SAMMSON: variants seen among roughly 807,000 people sequenced by gnomAD.
The protein encoded by SAMMSON is survival associated mitochondrial melanoma specific oncogenic non-coding RNA.
intron 7 of SAMMSON, among the ~76,000 whole-genome samples, chr3:70,345,988 T>A (rs1284796563): frequency 6.6e-6 from 1 of 152,194 alleles, no homozygotes; most frequent in African/African-American, 2.4e-5. Flanking sequence ...ATCAGTTTGA[T>A]AAATACCAAG....
chr3:70,262,339 C>G (rs1701874727), intron 6 of SAMMSON, among the ~76,000 whole-genome samples: 2 of 152,134 alleles, frequency 1.3e-5, no homozygotes, highest in Non-Finnish European at 2.9e-5. Context: ...CATTGCTGAG[C>G]CTCACCATCT....
At chr3:70,375,246 C>T (rs1575636368) in intron 9 of SAMMSON, among the ~76,000 whole-genome samples, 1 of 152,136 alleles carries the variant, frequency 6.6e-6, no homozygotes, top group East Asian at 1.9e-4. Context: ...TGCATTTATG[C>T]TTTGTATAAT....
Position 70,012,303 on chromosome 3 carries a change from A to G in SAMMSON, n.23-54A>G, listed in dbSNP as rs183197120. On this transcript the variant is annotated intron_variant and non_coding_transcript_variant, in intron 1 of 9. Coordinates refer to ENST00000642114, the Ensembl canonical transcript of SAMMSON. ...TTACAAGGGAAAGTGGACTTTGTAG[A>G]TGTGATTAAGAATCTTGAGATGTGA... 1.2e-3 allele frequency: 190 copies of G among 152,090 alleles called. 2 individuals are homozygous for G. Among genetic ancestry groups the G allele is most frequent in the African/African-American group, 4.5e-3 (187 of 41,446 alleles). 9.4% of individuals were successfully genotyped at this position (152,090 alleles called of 1,614,324 possible). A position where few individuals can be genotyped will look rare whatever the true frequency, so the allele number is the denominator to read the frequency against.
intron 4 of SAMMSON, among the ~76,000 whole-genome samples, chr3:70,091,820 C>T (rs2067305912): frequency 6.6e-6 from 1 of 152,088 alleles, no homozygotes. Flanking sequence ...GGTATGCACT[C>T]AAAGATCTCT....
At chr3:70,222,955 T>C (rs529402021) in intron 4 of SAMMSON, among the ~76,000 whole-genome samples, 4 of 152,332 alleles carry the variant, frequency 2.6e-5, no homozygotes, top group Non-Finnish European at 4.4e-5. Flanking sequence ...TTATATATCA[T>C]GACCTGGAGT....
intron 3 of SAMMSON, among the ~76,000 whole-genome samples, chr3:70,036,467 A>G (rs2067085555): frequency 1.3e-5 from 2 of 152,250 alleles, no homozygotes; most frequent in African/African-American, 4.8e-5. Context: ...AATCATAAGT[A>G]TGTCCTCCTA....
intron 4 of SAMMSON, among the ~76,000 whole-genome samples, chr3:70,204,136 A>G (rs2106722228): frequency 6.6e-6 from 1 of 152,280 alleles, no homozygotes. Context: ...AATGTATATA[A>G]ATAATAGATA....
chr3:70,196,857 T>C, intron 4 of SAMMSON: 1 of 398,002 alleles, frequency 2.5e-6, no homozygotes. Flanking sequence ...CACATGGAAA[T>C]CAGTCTTGTT....
At chr3:70,182,851 T>G (rs1239190186) in intron 4 of SAMMSON, among the ~76,000 whole-genome samples, 1 of 152,204 alleles carries the variant, frequency 6.6e-6, no homozygotes, top group Non-Finnish European at 1.5e-5. Flanking sequence ...TTTGTAACCC[T>G]TTTTGGTTCC....
At chr3:70,002,796 A>G (rs1470023124) in intron 1 of SAMMSON, among the ~76,000 whole-genome samples, 2 of 152,054 alleles carry the variant, frequency 1.3e-5, no homozygotes, top group East Asian at 3.9e-4. Context: ...TTGTGGTTAC[A>G]TTTTACATGT....
Position 70,414,666 on chromosome 3 carries a change from A to T in SAMMSON, n.234-47894A>T, listed in dbSNP as rs140851981. Among the ~76,000 whole-genome samples the T allele has an allele frequency of 8.3e-4, 127 of 152,286 alleles. 2 individuals are homozygous for T. In the East Asian group the frequency reaches 0.02, roughly 25 times the overall value. On this transcript the variant is annotated intron_variant and non_coding_transcript_variant, in intron 2 of 3. Transcript: ENST00000641053. ...AGACCATATGAACATTAGGTATTTA[A>T]TGTGACCTTAGTTAGATCACGTAAT...
intron 4 of SAMMSON, among the ~76,000 whole-genome samples, chr3:70,075,882 G>T (rs1432238967): frequency 5.0e-5 from 7 of 140,316 alleles, no homozygotes; most frequent in Non-Finnish European, 9.2e-5. Flanking sequence ...TTCGATACCT[G>T]TTTTTTTTTT....
chr3:70,007,393 G>A (rs534512192), intron 1 of SAMMSON, among the ~76,000 whole-genome samples: 2 of 152,266 alleles, frequency 1.3e-5, no homozygotes, highest in South Asian at 4.1e-4. Flanking sequence ...TTTCTCTGAT[G>A]GCCAGTGATG....
intron 6 of SAMMSON, among the ~76,000 whole-genome samples, chr3:70,269,248 G>T (rs1434150653): frequency 6.6e-6 from 1 of 152,104 alleles, no homozygotes; most frequent in Non-Finnish European, 1.5e-5. Context: ...GGTCATAAAA[G>T]AACCAATAAA....
At chr3:70,134,192 G>A (rs1315441520) in intron 4 of SAMMSON, among the ~76,000 whole-genome samples, 4 of 151,280 alleles carry the variant, frequency 2.6e-5, no homozygotes, top group South Asian at 2.1e-4. Flanking sequence ...TCCGGGAGAC[G>A]GAGGTTGCAG....
rs962316652 is a variant in SAMMSON at position 70,125,698 on chromosome 3, G to A, written n.507+54133G>A. ...AGGTTGTGGTTGGTCAAATACATCC[G>A]AAGGTAACAGCACTAGATGTAAACT... is the stretch of plus-strand genomic sequence containing the variant. On this transcript the variant is annotated intron_variant and non_coding_transcript_variant, in intron 4 of 9. Coordinates refer to ENST00000642114, the Ensembl canonical transcript of SAMMSON. 46 of 694,644 alleles carry A rather than the reference G, an allele frequency of 6.6e-5. No individual in the cohort carries two copies. In the East Asian group the frequency reaches 9.7e-4, roughly 15 times the overall value. 43.0% of individuals were successfully genotyped at this position (694,644 alleles called of 1,614,324 possible).
intron 4 of SAMMSON, among the ~76,000 whole-genome samples, chr3:70,163,158 T>G (rs138478422): frequency 2.0e-5 from 3 of 151,674 alleles, no homozygotes; most frequent in Admixed American, 1.3e-4. Flanking sequence ...ATGATTGATA[T>G]AGTATGATTT....
intron 4 of SAMMSON, among the ~76,000 whole-genome samples, chr3:70,087,434 T>C (rs2067289723): frequency 6.6e-6 from 1 of 152,172 alleles, no homozygotes; most frequent in Non-Finnish European, 1.5e-5. Flanking sequence ...TGAGACCTTT[T>C]TCTCTGTATG....
At position 70,386,986 on chromosome 3, in the gene SAMMSON, T is replaced by A. The variant is rs186892127; in HGVS notation, n.914-2588T>A. On this transcript the variant is annotated intron_variant and non_coding_transcript_variant, in intron 9 of 9. Transcript: ENST00000642114. The stretch of plus-strand genomic sequence containing the variant: ...CAGATGCCTTGGTCAGATCCCCAAG[T>A]GTAAGTGAATTCATTAAAAGATCTA... 1.7e-3 allele frequency among the ~76,000 whole-genome samples: 255 copies of A among 152,124 alleles called. 9 individuals carry two copies. The highest frequency in any genetic ancestry group is 0.017 in the Admixed American group (253 of 15,248).
Sources: gnomAD v4.1 joint callset for allele counts (sites outside exome capture counted in the v4.1 genomes callset) on GRCh38, gnomAD v4.1.1 for gene constraint, MANE v1.5 for transcripts, NCBI Gene and HGNC (gene_info 2026-07-23, HGNC 2026-07-21) for gene names.